DNAH14: variants seen among roughly 807,000 people sequenced by gnomAD.
DNAH14 encodes dynein axonemal heavy chain 14, also known as axonemal beta dynein heavy chain 14.
A neutral mutation model predicts 520.9 loss-of-function variants in DNAH14; 478 were observed. That is an observed-to-expected ratio of 0.92 (90% CI 0.85 to 0.99). The LOEUF (loss-of-function observed/expected upper bound fraction) is 0.99. Among genes scored for constraint, DNAH14 ranks in the 50% least tolerant of loss-of-function variants. The probability of loss-of-function intolerance (pLI) is 0.00; values close to 1 mark genes in which losing one functional copy is unlikely to be tolerated. For missense variants in DNAH14, 4,831 were observed against 5,234.5 expected, an observed-to-expected ratio of 0.92 and a Z score of 2.38; for synonymous variants, 1,581 against 1,757.2, an observed-to-expected ratio of 0.90 and a Z score of 2.51.
intron 17 of DNAH14, among the ~76,000 whole-genome samples, chr1:225,076,917 T>C (rs2072351624): frequency 6.6e-6 from 1 of 152,046 alleles, no homozygotes; most frequent in African/African-American, 2.4e-5. Flanking sequence ...TTACATTAAG[T>C]ATTTCTCCTA....
At chr1:225,364,723 C>T in intron 75 of DNAH14, 69 bp from the exon 76 acceptor site, 1 of 1,145,322 alleles carries the variant, frequency 8.7e-7, no homozygotes, top group Non-Finnish European at 1.2e-6. Flanking sequence ...CAGTGAAATG[C>T]TATGATTCTA....
chr1:225,253,340 C>T (rs1256770053), intron 44 of DNAH14, among the ~76,000 whole-genome samples: 3 of 152,118 alleles, frequency 2.0e-5, no homozygotes, highest in Non-Finnish European at 4.4e-5. Context: ...ATACCACTCA[C>T]ACGGGAAACC....
chr1:225,239,691 G>A (rs2091850889), intron 42 of DNAH14, among the ~76,000 whole-genome samples: 1 of 151,914 alleles, frequency 6.6e-6, no homozygotes, highest in Admixed American at 6.6e-5. Context: ...TTCCTGTTCT[G>A]TAAAAAAGGG....
chr1:225,395,151 G>A (rs746599361), intron 84 of DNAH14, among the ~76,000 whole-genome samples: 25 of 152,164 alleles, frequency 1.6e-4, no homozygotes, highest in Non-Finnish European at 3.5e-4. Context: ...GAAGCTAAAT[G>A]TGATGAGAGA....
intron 69 of DNAH14, among the ~76,000 whole-genome samples, chr1:225,341,174 G>A (rs933977459): frequency 4.0e-5 from 6 of 151,700 alleles, no homozygotes; most frequent in Admixed American, 3.3e-4. Flanking sequence ...GCGCAATCTC[G>A]GCTCACTGCA....
chr1:225,005,541 A>G (rs1414013310), intron 9 of DNAH14, among the ~76,000 whole-genome samples: 1 of 152,186 alleles, frequency 6.6e-6, no homozygotes, highest in Non-Finnish European at 1.5e-5. Context: ...CAGTAAGACC[A>G]GAAAGGCAGG....
chr1:225,341,956 T>G (rs1482865926), intron 69 of DNAH14, among the ~76,000 whole-genome samples: 1 of 152,172 alleles, frequency 6.6e-6, no homozygotes, highest in Admixed American at 6.5e-5. Flanking sequence ...TTATTACCTT[T>G]CTTTCTTTTT....
chr1:225,373,437 C>T (rs1267904773), intron 77 of DNAH14, among the ~76,000 whole-genome samples: 1 of 137,934 alleles, frequency 7.2e-6, no homozygotes, highest in East Asian at 2.3e-4. Context: ...TGCACTCCAG[C>T]TGGGCGACAG....
chr1:225,100,995 A>T, intron 23 of DNAH14, 111 bp downstream of exon 23: 1 of 892,168 alleles, frequency 1.1e-6, no homozygotes, highest in Non-Finnish European at 1.6e-6. Flanking sequence ...TCTTTATTCT[A>T]GCTGCCAACA....
intron 34 of DNAH14, among the ~76,000 whole-genome samples, chr1:225,155,474 G>A (rs767584720): frequency 2.0e-4 from 30 of 152,080 alleles, no homozygotes; most frequent in Admixed American, 9.8e-4. Flanking sequence ...GTAAATAGGC[G>A]TCTGTTGTTA....
In DNAH14 at chr1:225,300,795, C is replaced by T. The variant is rs1290043318; in HGVS notation, c.8470-74C>T. 4.8e-5 allele frequency: 68 copies of T among 1,426,172 alleles called. 1 individual carries two copies. The South Asian group carries it at 7.0e-4, about 15-fold the overall frequency. The allele number at this position is 1,426,172 out of a possible 1,614,324, so 88.3% of individuals were successfully genotyped here. On this transcript the variant is annotated intron_variant, in intron 55 of 85. Transcript: ENST00000682510. ...CTTAATCACTGTTGCTTTCTTGCTT[C>T]CTCAAATTGATGTGGTTAGGGTAGA... is the stretch of plus-strand genomic sequence containing the variant.
At chr1:225,114,588 A>G (rs1344938595) in intron 23 of DNAH14, among the ~76,000 whole-genome samples, 1 of 152,178 alleles carries the variant, frequency 6.6e-6, no homozygotes, top group African/African-American at 2.4e-5. Flanking sequence ...TTTATGGCCT[A>G]TACTGCCTTT....
At chr1:225,206,382 A>G (rs1317219843) in intron 40 of DNAH14, among the ~76,000 whole-genome samples, 1 of 152,070 alleles carries the variant, frequency 6.6e-6, no homozygotes, top group Non-Finnish European at 1.5e-5. Flanking sequence ...TTTTAATACT[A>G]CTCTTAGTAA....
At chr1:225,124,120 T>C (rs113219426) in intron 27 of DNAH14, among the ~76,000 whole-genome samples, 1,787 of 152,290 alleles carry the variant, frequency 0.012, 18 homozygotes, top group Non-Finnish European at 0.02. Flanking sequence ...TTAAAAATAC[T>C]TTATTACTAA....
chr1:225,335,083 GTACATATATACATATATGTA>G (rs1489499319), intron 66 of DNAH14, among the ~76,000 whole-genome samples: 1 of 147,766 alleles, frequency 6.8e-6, no homozygotes, highest in Non-Finnish European at 1.5e-5. Context: ...ACGTACATAT[GTACATATATACATATATGTA>G]TATATACATA....
chr1:225,265,399 T>C (rs1219366711), intron 48 of DNAH14, 30 bp downstream of exon 48: 2 of 1,492,772 alleles, frequency 1.3e-6, no homozygotes, highest in Admixed American at 2.8e-5. Context: ...TGTTCAATAA[T>C]CTGCTTAGGC....
rs183376177 is a variant in DNAH14 at position 225,263,200 on chromosome 1, A to G, written c.7158-997A>G. ...ATATCCTACTATGCGAGATATATAT[A>G]TACACACACATATATATACATGTAT... On this transcript the variant is annotated intron_variant, in intron 46 of 85. Coordinates refer to ENST00000682510, the MANE Select transcript of DNAH14 (RefSeq NM_001367479.1). Among the ~76,000 whole-genome samples, 169 of 151,092 alleles carry G rather than the reference A, an allele frequency of 1.1e-3. 1 individual carries two copies. Among genetic ancestry groups the G allele is most frequent in the African/African-American group, 3.9e-3 (161 of 41,168 alleles).
intron 22 of DNAH14, among the ~76,000 whole-genome samples, chr1:225,098,583 G>T (rs2075191205): frequency 6.6e-6 from 1 of 152,150 alleles, no homozygotes; most frequent in African/African-American, 2.4e-5. Context: ...TTTAAGTATT[G>T]CTTTGTGGGG....
intron 43 of DNAH14, among the ~76,000 whole-genome samples, chr1:225,245,149 T>G (rs532119381): frequency 1.9e-4 from 29 of 152,168 alleles, no homozygotes; most frequent in African/African-American, 6.0e-4. Flanking sequence ...CCATGTAGTT[T>G]TGTGGTTTTG....
Sources: allele counts gnomAD v4.1 joint callset (sites outside exome capture counted in the v4.1 genomes callset), GRCh38; gene constraint gnomAD v4.1.1; transcripts MANE v1.5; gene names NCBI Gene and HGNC (gene_info 2026-07-23, HGNC 2026-07-21).